SDHC: variants seen among roughly 807,000 people sequenced by gnomAD.
The protein encoded by SDHC is succinate dehydrogenase complex subunit C.
A neutral mutation model predicts 22.6 loss-of-function variants in SDHC; 11 were observed. That is an observed-to-expected ratio of 0.49 (90% CI 0.31 to 0.81). SDHC has a LOEUF of 0.81. Ranked by LOEUF, SDHC falls within the 30% of genes least tolerant of loss-of-function variation. SDHC has a pLI of 0.05. For synonymous variants in SDHC, 80 were observed against 77.8 expected (o/e 1.03, Z -0.15); for missense variants, 160 against 212.0 (o/e 0.75, Z 1.52).
At chr1:161,323,881 A>G (rs1039360734) in intron 2 of SDHC, among the ~76,000 whole-genome samples, 3 of 152,024 alleles carry the variant, frequency 2.0e-5, no homozygotes, top group Non-Finnish European at 2.9e-5. Flanking sequence ...TATTTTTAGT[A>G]GAGACAGGGT....
chr1:161,351,016 A>C (rs957143477), intron 4 of SDHC, among the ~76,000 whole-genome samples: 8 of 152,156 alleles, frequency 5.3e-5, no homozygotes, highest in African/African-American at 1.9e-4. Flanking sequence ...AAGGCCAAGG[A>C]ACCAAATATT....
rs532317918 is a variant in SDHC at position 161,339,662 on chromosome 1, G to GTTTTTTT, written c.180-910_180-904dup. On this transcript the variant is annotated intron_variant, in intron 3 of 5. Coordinates refer to ENST00000367975, the MANE Select transcript of SDHC (RefSeq NM_003001.5). ...TTTGTAACCTAATCCTGATACAGGT[G>GTTTTTTT]TTTTTTTTTTTTTTTTTTTTTTTTT... 426 of 51,682 alleles carry GTTTTTTT rather than the reference G, an allele frequency of 8.2e-3. 120 individuals carry two copies. The highest frequency in any genetic ancestry group is 0.023 in the East Asian group (26 of 1,132). The allele number at this position is 51,682 out of a possible 1,614,324, so 3.2% of individuals were successfully genotyped here.
At chr1:161,339,365 T>TC (rs59683334) in intron 3 of SDHC, among the ~76,000 whole-genome samples, 24 of 150,004 alleles carry the variant, frequency 1.6e-4, no homozygotes, top group African/African-American at 2.0e-4. Flanking sequence ...TTTTTTTTTT[T>TC]CGTAAAGATG....
intron 2 of SDHC, among the ~76,000 whole-genome samples, chr1:161,324,298 C>G (rs1312403510): frequency 6.6e-6 from 1 of 152,100 alleles, no homozygotes. Flanking sequence ...TTTGTAGAGA[C>G]GAGGTTTCAC....
intron 3 of SDHC, 76 bp from the exon 4 acceptor site, chr1:161,340,518 A>T: frequency 7.8e-7 from 1 of 1,287,866 alleles, no homozygotes. Flanking sequence ...ATTAGTTTAT[A>T]TTTTTGCCAA....
intron 3 of SDHC, among the ~76,000 whole-genome samples, chr1:161,335,352 G>T (rs1321597901): frequency 6.6e-6 from 1 of 152,126 alleles, no homozygotes; most frequent in African/African-American, 2.4e-5. Flanking sequence ...TTTGGCGGGA[G>T]ATACTTTGAA....
At chr1:161,340,004 A>G (rs1176035476) in intron 3 of SDHC, among the ~76,000 whole-genome samples, 1 of 151,376 alleles carries the variant, frequency 6.6e-6, no homozygotes, top group Non-Finnish European at 1.5e-5. Flanking sequence ...TAAAGTAAAA[A>G]GTGGAAACAC....
At chr1:161,332,994 A>G (rs191043054) in intron 3 of SDHC, among the ~76,000 whole-genome samples, 130 of 152,180 alleles carry the variant, frequency 8.5e-4, no homozygotes, top group African/African-American at 2.9e-3. Context: ...ATCACCACCA[A>G]TCGTTTGTCC....
rs559747670 is a variant in SDHC, at chr1:161,362,412, T to C, written c.489T>C (p.Ser163=). The change falls in exon 6 of 6, where the codon TCT becomes TCC. Residue 163 remains serine (S), a synonymous_variant. Transcript: ENST00000367975. ...VVVLVLTVLS[S]MGLAAM is the part of the protein sequence containing the mutation. ...TCCTGGTTCTTACTGTGTTGTCCTC[T>C]ATGGGGCTGGCAGCCATGTGAAGAA... 5 of 1,613,598 alleles carry C rather than the reference T, an allele frequency of 3.1e-6. No individual in the cohort carries two copies. The East Asian group carries it at 8.9e-5, about 29-fold the overall frequency.
intron 2 of SDHC, among the ~76,000 whole-genome samples, chr1:161,326,439 A>G (rs1295664452): frequency 6.6e-6 from 1 of 151,714 alleles, no homozygotes; most frequent in Non-Finnish European, 1.5e-5. Flanking sequence ...AGTGCAGTGA[A>G]AGAAGCAAGT....
chr1:161,330,266 G>C (rs1160433637), intron 3 of SDHC, among the ~76,000 whole-genome samples: 1 of 152,152 alleles, frequency 6.6e-6, no homozygotes, highest in Non-Finnish European at 1.5e-5. Context: ...CCAGATATGG[G>C]TGAGGCTCTG....
At chr1:161,322,290 A>G (rs1255322437) in intron 1 of SDHC, among the ~76,000 whole-genome samples, 1 of 152,184 alleles carries the variant, frequency 6.6e-6, no homozygotes, top group Non-Finnish European at 1.5e-5. Context: ...GCCTAGGCAC[A>G]TCTTAGTTTT....
intron 3 of SDHC, among the ~76,000 whole-genome samples, chr1:161,336,368 T>C (rs1178879517): frequency 6.6e-6 from 1 of 151,672 alleles, no homozygotes. Context: ...GGCAGGAGAA[T>C]CGCTTGAACC....
intron 4 of SDHC, among the ~76,000 whole-genome samples, chr1:161,352,874 G>T (rs1672138973): frequency 6.6e-6 from 1 of 152,198 alleles, no homozygotes; most frequent in Non-Finnish European, 1.5e-5. Context: ...CTACTCGGGA[G>T]GCTGAGGCAG....
At chr1:161,332,473 C>T (rs1671313575) in intron 3 of SDHC, among the ~76,000 whole-genome samples, 1 of 152,132 alleles carries the variant, frequency 6.6e-6, no homozygotes, top group Non-Finnish European at 1.5e-5. Flanking sequence ...TCCTAATTTC[C>T]TCCTGAGCCT....
At chr1:161,336,994 C>G (rs1219046046) in intron 3 of SDHC, among the ~76,000 whole-genome samples, 1 of 151,550 alleles carries the variant, frequency 6.6e-6, no homozygotes, top group Non-Finnish European at 1.5e-5. Context: ...CTCAGTCCCC[C>G]AAGTAGCTGA....
At chr1:161,318,438 T>C (rs1571835827) in intron 1 of SDHC, among the ~76,000 whole-genome samples, 1 of 152,188 alleles carries the variant, frequency 6.6e-6, no homozygotes, top group East Asian at 1.9e-4. Context: ...ACACAAACCA[T>C]TGGCACTCAG....
At chr1:161,359,447 A>G (rs1268959334) in intron 5 of SDHC, among the ~76,000 whole-genome samples, 1 of 152,188 alleles carries the variant, frequency 6.6e-6, no homozygotes, top group Non-Finnish European at 1.5e-5. Flanking sequence ...GTAGAGAGGG[A>G]GGACATTTCC....
At chr1:161,358,722 T>C (rs1417009699) in intron 5 of SDHC, among the ~76,000 whole-genome samples, 1 of 150,372 alleles carries the variant, frequency 6.7e-6, no homozygotes, top group South Asian at 2.1e-4. Flanking sequence ...AGGCCGGGAG[T>C]TCGAGACCAG....
Sources: allele counts gnomAD v4.1 joint callset (sites outside exome capture counted in the v4.1 genomes callset), GRCh38; gene constraint gnomAD v4.1.1; transcripts MANE v1.5; gene names NCBI Gene and HGNC (gene_info 2026-07-23, HGNC 2026-07-21).